Variants in POGLUT3 observed in about 807,000 individuals in gnomAD.
POGLUT3 encodes KDEL (Lys-Asp-Glu-Leu) containing 2.
Under a neutral mutation model 54.3 loss-of-function variants are expected in POGLUT3, and 48 were observed. The observed-to-expected ratio is 0.88, with a 90% CI of 0.70 to 1.12. The LOEUF is 1.12. Among genes scored for constraint, POGLUT3 ranks in the 50% most tolerant of loss-of-function variants. The probability of loss-of-function intolerance (pLI) is 0.00; values close to 1 mark genes in which losing one functional copy is unlikely to be tolerated. For synonymous variants in POGLUT3, 218 were observed against 237.4 expected, an observed-to-expected ratio of 0.92 and a Z score of 0.75; for missense variants, 629 against 618.7, an observed-to-expected ratio of 1.02 and a Z score of -0.18.
chr11:108,479,368 G>T lies in POGLUT3; in HGVS notation c.1226C>A (p.Pro409His), dbSNP rs757500389. Reference sequence around the variant, plus strand: ...TTTAATTGGAACATAATGCTTCCAAGGTTCTAGTGCCATGTAGAAATGTTC... The same window carrying T: ...TTTAATTGGAACATAATGCTTCCAATGTTCTAGTGCCATGTAGAAATGTTC... ...YYEHFYMALE[P>H]WKHYVPIKRN... The change falls in exon 6 of 8, where the codon CCT becomes CAT. Residue 409 changes from proline (P) to histidine (H), a missense_variant. Pro to His is a moderately conservative substitution (Grantham distance 77). Transcript: ENST00000323468. 1.2e-6 allele frequency: 2 copies of T among 1,612,064 alleles called. No homozygotes were observed. The highest frequency in any genetic ancestry group is 2.2e-5 in the South Asian group (2 of 90,500).
chr11:108,477,781 G>T, intron 6 of POGLUT3, 70 bp from the exon 7 acceptor site: 1 of 956,498 alleles, frequency 1.0e-6, no homozygotes, highest in Non-Finnish European at 1.7e-6. Flanking sequence ...GGTTAAGTGT[G>T]AGGTGGGACA....
intron 1 of POGLUT3, among the ~76,000 whole-genome samples, chr11:108,495,896 T>C (rs2093621438): frequency 1.3e-5 from 2 of 152,146 alleles, no homozygotes; most frequent in African/African-American, 4.8e-5. Flanking sequence ...AAGTCACAGA[T>C]CACAGGGGTA....
intron 2 of POGLUT3, among the ~76,000 whole-genome samples, chr11:108,489,227 C>T (rs142029176): frequency 2.0e-5 from 3 of 152,118 alleles, no homozygotes; most frequent in Non-Finnish European, 4.4e-5. Context: ...TATCGATGAA[C>T]CACAGGATAG....
intron 6 of POGLUT3, 149 bp downstream of exon 6, chr11:108,479,152 T>C (rs2093587666): frequency 5.2e-6 from 3 of 582,378 alleles, no homozygotes; most frequent in African/African-American, 2.0e-5. Context: ...CTGATGCTGA[T>C]TCTTTAGATA....
At chr11:108,481,956 C>T in intron 4 of POGLUT3, 50 bp downstream of exon 4, 2 of 1,427,648 alleles carry the variant, frequency 1.4e-6, no homozygotes, top group Non-Finnish European at 2.0e-6. Context: ...ATAACCCACT[C>T]TGTCTCTAAG....
Position 108,472,239 on chromosome 11 carries a change from T to TTTA in POGLUT3, c.*2585_*2587dup, listed in dbSNP as rs1288647814. The TTTA allele has an allele frequency of 6.6e-6, 1 of 152,260 alleles. No individual in the cohort carries two copies. The highest frequency in any genetic ancestry group is 1.9e-4 in the East Asian group (1 of 5,192). The allele number at this position is 152,260 out of a possible 1,614,324, so 9.4% of individuals were successfully genotyped here. A position where few individuals can be genotyped will look rare whatever the true frequency, so the allele number is the denominator to read the frequency against. ...AAAATATAAATATTTGCTGTTCCTGTTTATATCTTTTGTGCATTTATTGTC... is the reference window on the plus strand; with the variant it reads ...AAAATATAAATATTTGCTGTTCCTGTTTATTATATCTTTTGTGCATTTATTGTC... On this transcript the variant is annotated 3_prime_UTR_variant, in exon 8 of 8. Coordinates refer to ENST00000323468, the MANE Select transcript of POGLUT3 (RefSeq NM_153705.5).
At chr11:108,476,869 T>C (rs549522763) in intron 7 of POGLUT3, among the ~76,000 whole-genome samples, 1 of 152,166 alleles carries the variant, frequency 6.6e-6, no homozygotes, top group Non-Finnish European at 1.5e-5. Context: ...GAATCTTAAG[T>C]ATCAAGGAGA....
Position 108,479,331 on chromosome 11 carries a change from A to C in POGLUT3, c.1263T>G (p.Ser421Arg). ...KHYVPIKRNL[S>R]DLLEKVKWAK... Reference sequence around the variant, plus strand: ...CCCATTTAACTTTCTCTAATAAATCACTCAGATTTCTTTTAATTGGAACAT... The same window carrying C: ...CCCATTTAACTTTCTCTAATAAATCCCTCAGATTTCTTTTAATTGGAACAT... The change falls in exon 6 of 8, where the codon AGT becomes AGG. Residue 421 changes from serine to arginine, a missense_variant. Ser to Arg is a moderately radical substitution (Grantham distance 110). Transcript: ENST00000323468. 2 of 1,610,934 alleles carry C rather than the reference A, an allele frequency of 1.2e-6. No homozygotes were observed. The highest frequency in any genetic ancestry group is 1.7e-6 in the Non-Finnish European group (2 of 1,179,466).
Position 108,498,302 on chromosome 11 carries a change from G to C in POGLUT3, c.65C>G (p.Ala22Gly). ...LRLALLVAAG[A>G]PEVLVSAPRS... Reference sequence around the variant, plus strand: ...CGGCGCGCTGACCAGCACCTCCGGGGCCCCCGCGGCCACCAGCAGGGCGAG... The same window carrying C: ...CGGCGCGCTGACCAGCACCTCCGGGCCCCCCGCGGCCACCAGCAGGGCGAG... The change falls in exon 1 of 8, where the codon GCC becomes GGC. Residue 22 changes from alanine (A) to glycine (G), a missense_variant. By Grantham distance (60) the Ala-to-Gly change is moderately conservative. Transcript: ENST00000323468. The C allele has an allele frequency of 6.9e-7, 1 of 1,455,226 alleles. No individual in the cohort carries two copies. The highest frequency in any genetic ancestry group is 9.1e-7 in the Non-Finnish European group (1 of 1,100,678). The allele number at this position is 1,455,226 out of a possible 1,614,324, so 90.1% of individuals were successfully genotyped here. A position where few individuals can be genotyped will look rare whatever the true frequency, so the allele number is the denominator to read the frequency against.
chr11:108,480,371 T>A lies in POGLUT3; in HGVS notation c.1098+809A>T, dbSNP rs151139536. On this transcript the variant is annotated intron_variant, in intron 5 of 7. Coordinates refer to ENST00000323468, the MANE Select transcript of POGLUT3 (RefSeq NM_153705.5). The stretch of plus-strand genomic sequence containing the variant: ...TTTGTTGGGTTAATATACTTTGTTT[T>A]CCATTTCAAATGTAGTTTTCATAGG... 1.8e-3 allele frequency among the ~76,000 whole-genome samples: 269 copies of A among 152,358 alleles called. 1 individual carries two copies. Among genetic ancestry groups the A allele is most frequent in the African/African-American group, 6.1e-3 (255 of 41,590 alleles).
intron 6 of POGLUT3, among the ~76,000 whole-genome samples, chr11:108,479,093 ATCT>A (rs1269985135): frequency 3.9e-5 from 6 of 152,214 alleles, no homozygotes; most frequent in Admixed American, 3.3e-4. Flanking sequence ...TGGACTTCAA[ATCT>A]TCTGAAAATC....
intron 1 of POGLUT3, among the ~76,000 whole-genome samples, chr11:108,495,186 G>T (rs576099541): frequency 2.0e-5 from 3 of 152,332 alleles, no homozygotes; most frequent in African/African-American, 7.2e-5. Flanking sequence ...AGCTTGAGAA[G>T]ATTTTTCCTC....
At chr11:108,492,467 T>TC (rs1487877525) in intron 1 of POGLUT3, among the ~76,000 whole-genome samples, 1 of 152,228 alleles carries the variant, frequency 6.6e-6, no homozygotes, top group Non-Finnish European at 1.5e-5. Flanking sequence ...AAGTTGTTTT[T>TC]CACTTCGCAT....
chr11:108,498,134 G>C (rs1313059244), intron 1 of POGLUT3, 31 bp downstream of exon 1: 3 of 1,479,896 alleles, frequency 2.0e-6, no homozygotes, highest in Non-Finnish European at 2.7e-6. Context: ...ACCCGGCCGC[G>C]GGACGAGGGA....
At chr11:108,477,548 C>T (rs2093584308) in intron 7 of POGLUT3, 59 bp downstream of exon 7, 1 of 1,012,126 alleles carries the variant, frequency 9.9e-7, no homozygotes, top group Non-Finnish European at 1.5e-6. Context: ...AGTGTACAGG[C>T]CAAGCGGGTA....
rs535549930 is a variant in POGLUT3, at chr11:108,474,911, A to G, written c.1440T>C (p.Asp480=). The G allele has an allele frequency of 1.8e-4, 297 of 1,614,052 alleles. 1 individual carries two copies. In the South Asian group the frequency reaches 2.8e-3, roughly 15 times the overall value. The stretch of plus-strand genomic sequence containing the variant: ...CTGGCTGAGGAACAAGTTCCATTCC[A>G]TCACGTACTTCGGGTTTGCTGGACT... ...ERQSSKPEVR[D]GMELVPQPED... The change falls in exon 8 of 8, where the codon GAT becomes GAC. Residue 480 remains aspartate, a synonymous_variant. Coordinates refer to ENST00000323468, the MANE Select transcript of POGLUT3 (RefSeq NM_153705.5).
At chr11:108,482,276 C>T (rs1310911944) in intron 3 of POGLUT3, 54 bp from the exon 4 acceptor site, 1 of 1,261,036 alleles carries the variant, frequency 7.9e-7, no homozygotes, top group Non-Finnish European at 1.1e-6. Flanking sequence ...GTCTTTGGTA[C>T]TAAGTACAAC....
chr11:108,477,602 C>A lies in POGLUT3; in HGVS notation c.1398+5G>T, dbSNP rs1217477483. 6.3e-7 allele frequency: 1 copy of A among 1,579,612 alleles called. No homozygotes were observed. The highest frequency in any genetic ancestry group is 2.2e-5 in the East Asian group (1 of 44,668). ...CAGCAGTGTGGACGGACACTCTGAA[C>A]TGACCTGCAGTACTTGGTAATAGTA... On this transcript the variant is annotated splice_donor_5th_base_variant and intron_variant, in intron 7 of 7. Coordinates refer to ENST00000323468, the MANE Select transcript of POGLUT3 (RefSeq NM_153705.5).
chr11:108,485,734 T>A (rs1010616068), intron 3 of POGLUT3, among the ~76,000 whole-genome samples: 1 of 152,000 alleles, frequency 6.6e-6, no homozygotes, highest in Admixed American at 6.6e-5. Context: ...CTTGGCCCAC[T>A]GCAGCCTCCA....
Sources: allele counts gnomAD v4.1 joint callset (sites outside exome capture counted in the v4.1 genomes callset), GRCh38; gene constraint gnomAD v4.1.1; transcripts MANE v1.5; gene names NCBI Gene and HGNC (gene_info 2026-07-23, HGNC 2026-07-21).